The following KAZN variants were observed in gnomAD, a reference collection of about 807,000 sequenced individuals.
The protein encoded by KAZN is kazrin.
A neutral mutation model predicts 87.4 loss-of-function variants in KAZN; 40 were observed. That is an observed-to-expected ratio of 0.46 (90% CI 0.36 to 0.60). KAZN has a LOEUF of 0.60. KAZN is among the 20% of genes least tolerant of loss of function. The pLI, the probability that KAZN is intolerant of heterozygous loss-of-function variation, is 0.00. For missense variants in KAZN, 898 were observed against 1,073.9 expected (o/e 0.84, Z 2.29); for synonymous variants, 466 against 458.3 (o/e 1.02, Z -0.22).
At chr1:14,031,362 A>T (rs533334875) in intron 1 of KAZN, among the ~76,000 whole-genome samples, 1 of 152,354 alleles carries the variant, frequency 6.6e-6, no homozygotes, top group South Asian at 2.1e-4. Flanking sequence ...TTCATGAGCT[A>T]ATTCCTACAA....
chr1:14,082,688 C>T (rs1384399133), intron 1 of KAZN, among the ~76,000 whole-genome samples: 1 of 152,146 alleles, frequency 6.6e-6, no homozygotes, highest in African/African-American at 2.4e-5. Flanking sequence ...TATGCCTGGA[C>T]CTCACTTTTC....
chr1:15,034,452 G>C (rs767654329), intron 2 of KAZN, among the ~76,000 whole-genome samples: 1 of 152,230 alleles, frequency 6.6e-6, no homozygotes, highest in South Asian at 2.1e-4. Context: ...TCAGTTCTTC[G>C]TCATTGAACA....
At chr1:14,942,760 C>T (rs192569747) in intron 1 of KAZN, among the ~76,000 whole-genome samples, 1 of 152,258 alleles carries the variant, frequency 6.6e-6, no homozygotes, top group African/African-American at 2.4e-5. Context: ...GAGCACAGGT[C>T]AGGGCTGCAC....
chr1:14,046,335 T>C (rs971430699), intron 1 of KAZN, among the ~76,000 whole-genome samples: 1 of 152,162 alleles, frequency 6.6e-6, no homozygotes, highest in Admixed American at 6.5e-5. Context: ...GGTCAGGGGA[T>C]GGTGCTTTTG....
At position 14,670,856 on chromosome 1, in the gene KAZN, G is replaced by T. The variant is rs1483729249; in HGVS notation, c.226+71633G>T. Among the ~76,000 whole-genome samples the T allele has an allele frequency of 2.6e-5, 4 of 152,330 alleles. No individual in the cohort carries two copies. The South Asian group carries it at 8.3e-4, about 32-fold the overall frequency. On this transcript the variant is annotated intron_variant, in intron 1 of 14. Coordinates refer to ENST00000376030, the MANE Select transcript of KAZN (RefSeq NM_201628.3). ...TTTGAACAGCAAGGGATAGTCCAGT[G>T]TTTCTCGACAAGGGGTGACTTACCT...
At chr1:14,057,347 C>A (rs781623919) in intron 1 of KAZN, among the ~76,000 whole-genome samples, 3 of 152,068 alleles carry the variant, frequency 2.0e-5, no homozygotes, top group Non-Finnish European at 4.4e-5. Flanking sequence ...ATTGGTCAGG[C>A]TGGTCTCGAA....
intron 1 of KAZN, among the ~76,000 whole-genome samples, chr1:14,813,317 G>T (rs559993712): frequency 6.6e-6 from 1 of 152,306 alleles, no homozygotes; most frequent in South Asian, 2.1e-4. Context: ...TCTGAAGCTA[G>T]GTCACATATG....
intron 1 of KAZN, among the ~76,000 whole-genome samples, chr1:14,150,102 A>C (rs1458745675): frequency 6.6e-6 from 1 of 152,118 alleles, no homozygotes; most frequent in Non-Finnish European, 1.5e-5. Context: ...TGTTTCCTGG[A>C]AGCATTATTA....
intron 2 of KAZN, among the ~76,000 whole-genome samples, chr1:14,422,529 T>C (rs1665492090): frequency 6.6e-6 from 1 of 152,246 alleles, no homozygotes; most frequent in African/African-American, 2.4e-5. Context: ...TTTCTCTTAC[T>C]ACCTCTTCCA....
In KAZN at chr1:14,227,022, C is replaced by A. The variant is rs551643101; in HGVS notation, c.249+46430C>A. Among the ~76,000 whole-genome samples the A allele has an allele frequency of 1.9e-4, 29 of 152,182 alleles. 1 individual carries two copies. The South Asian group carries it at 6.0e-3, about 32-fold the overall frequency. ...ACACACAATTTGCCCATGTAACAAA[C>A]CTGCACATTTACCCCTTGAACCTAA... On this transcript the variant is annotated intron_variant, in intron 2 of 16. Transcript: ENST00000636203.
intron 2 of KAZN, among the ~76,000 whole-genome samples, chr1:14,201,231 G>GTCTTTCC (rs1464353841): frequency 6.6e-6 from 1 of 151,996 alleles, no homozygotes; most frequent in African/African-American, 2.4e-5. Context: ...TAAACCTCTC[G>GTCTTTCC]TCTTTCCTCT....
At chr1:14,889,239 C>T (rs1654446186) in intron 1 of KAZN, among the ~76,000 whole-genome samples, 1 of 152,130 alleles carries the variant, frequency 6.6e-6, no homozygotes, top group African/African-American at 2.4e-5. Flanking sequence ...GTATTATTGT[C>T]CCCCAGGAAG....
rs1274779338 is a variant in KAZN, at chr1:14,996,237, C to T, written c.418+35362C>T. On this transcript the variant is annotated intron_variant, in intron 2 of 14. Transcript: ENST00000376030. This position sits in a 1 kb window ranked among gnomAD's most constrained non-coding sequence, Gnocchi z 5.9. ...GCATCTTGAACAGGGGTCACTGGGTCGGCCTTTCTCTTTCTTGTTCCCGTG... is the reference window on the plus strand; with the variant it reads ...GCATCTTGAACAGGGGTCACTGGGTTGGCCTTTCTCTTTCTTGTTCCCGTG... Among the ~76,000 whole-genome samples, 1 of 152,148 alleles carries T rather than the reference C, an allele frequency of 6.6e-6. No homozygotes were observed. The highest frequency in any genetic ancestry group is 1.5e-5 in the Non-Finnish European group (1 of 68,042).
intron 2 of KAZN, among the ~76,000 whole-genome samples, chr1:14,419,751 G>A (rs1294121737): frequency 1.3e-5 from 2 of 152,008 alleles, no homozygotes; most frequent in African/African-American, 2.4e-5. Context: ...GACTCTTAAG[G>A]CGGTGCGTCT....
chr1:14,593,105 T>C (rs1382847242), intron 2 of KAZN, among the ~76,000 whole-genome samples: 3 of 152,248 alleles, frequency 2.0e-5, no homozygotes, highest in South Asian at 2.1e-4. Flanking sequence ...TCATCTGCCA[T>C]GTGCAGATAC....
intron 2 of KAZN, among the ~76,000 whole-genome samples, chr1:14,564,668 C>T (rs964238851): frequency 6.8e-6 from 1 of 146,548 alleles, no homozygotes; most frequent in African/African-American, 2.5e-5. Flanking sequence ...AAAAAATTAG[C>T]TTGGAGTGGT....
chr1:14,718,021 T>C (rs1370587115), intron 1 of KAZN, among the ~76,000 whole-genome samples: 1 of 152,220 alleles, frequency 6.6e-6, no homozygotes, highest in Admixed American at 6.5e-5. Context: ...CTGGCCTCTA[T>C]CACCTGTGGT....
At chr1:14,470,888 C>A (rs1158304211) in intron 2 of KAZN, among the ~76,000 whole-genome samples, 1 of 152,204 alleles carries the variant, frequency 6.6e-6, no homozygotes, top group Non-Finnish European at 1.5e-5. Flanking sequence ...CTGTGGCTTC[C>A]ATCTGGCTCT....
chr1:14,798,725 C>T (rs973080751), intron 1 of KAZN, among the ~76,000 whole-genome samples: 23 of 151,974 alleles, frequency 1.5e-4, no homozygotes, highest in South Asian at 2.1e-4. Flanking sequence ...TGAGCCACCA[C>T]GCCCGGCCCA....
Sources: allele counts gnomAD v4.1 joint callset (sites outside exome capture counted in the v4.1 genomes callset), GRCh38; gene constraint gnomAD v4.1.1; non-coding constraint Gnocchi (gnomAD v3.1); transcripts MANE v1.5; gene names NCBI Gene and HGNC (gene_info 2026-07-23, HGNC 2026-07-21).